MYBL2: variants seen among roughly 807,000 people sequenced by gnomAD.
The protein encoded by MYBL2 is MYB proto-oncogene like 2.
In MYBL2, 28 loss-of-function variants were observed where a neutral mutation model predicts 79.9. The observed-to-expected ratio is 0.35, with a 90% CI of 0.26 to 0.48. MYBL2 has a LOEUF of 0.48. Among genes scored for constraint, MYBL2 ranks in the 20% least tolerant of loss-of-function variants. The pLI, the probability that MYBL2 is intolerant of heterozygous loss-of-function variation, is 0.99. For synonymous variants in MYBL2, 378 were observed against 361.2 expected (o/e 1.05, Z -0.53); for missense variants, 735 against 893.9 (o/e 0.82, Z 2.27).
chr20:43,715,918 A>T, intron 13 of MYBL2, 41 bp from the exon 14 acceptor site: 1 of 1,583,652 alleles, frequency 6.3e-7, no homozygotes, highest in Non-Finnish European at 8.6e-7. Flanking sequence ...TTGGGAACAC[A>T]TAGTCCCTGC....
chr20:43,706,221 G>A (rs541392984), intron 9 of MYBL2, among the ~76,000 whole-genome samples: 2 of 152,286 alleles, frequency 1.3e-5, no homozygotes, highest in South Asian at 2.1e-4. Context: ...GTGCAAATTC[G>A]TTGTGTTTGA....
At chr20:43,688,867 G>T (rs1987340246) in intron 5 of MYBL2, among the ~76,000 whole-genome samples, 1 of 152,134 alleles carries the variant, frequency 6.6e-6, no homozygotes. Context: ...TCGGCTCACT[G>T]CAACCTCTGC....
At chr20:43,686,346 G>C (rs919257283) in intron 4 of MYBL2, among the ~76,000 whole-genome samples, 15 of 152,122 alleles carry the variant, frequency 9.9e-5, no homozygotes, top group African/African-American at 3.6e-4. Flanking sequence ...GGCTAGGTCA[G>C]CCCGCGATGC....
At chr20:43,696,685 G>C (rs1410748564) in intron 6 of MYBL2, among the ~76,000 whole-genome samples, 29 of 152,284 alleles carry the variant, frequency 1.9e-4, no homozygotes, top group Admixed American at 1.7e-3. Context: ...ATGCTATAAT[G>C]ATCATCATTG....
intron 5 of MYBL2, among the ~76,000 whole-genome samples, chr20:43,689,343 C>T (rs370224978): frequency 1.8e-4 from 27 of 152,186 alleles, no homozygotes; most frequent in Admixed American, 2.0e-4. Context: ...TGGGGCTTCC[C>T]CTGACACTTG....
intron 6 of MYBL2, among the ~76,000 whole-genome samples, chr20:43,695,966 C>T (rs758879650): frequency 7.2e-5 from 11 of 152,074 alleles, no homozygotes; most frequent in African/African-American, 2.4e-4. Flanking sequence ...TGCAGTGAGC[C>T]GAGTTCGCAC....
chr20:43,674,039 T>TCATG, intron 2 of MYBL2, 140 bp downstream of exon 2: 1 of 742,154 alleles, frequency 1.3e-6, no homozygotes, highest in Non-Finnish European at 2.3e-6. Flanking sequence ...CTGATTGTCC[T>TCATG]CATGCCTCTT....
intron 2 of MYBL2, among the ~76,000 whole-genome samples, chr20:43,677,701 T>C (rs1263652280): frequency 1.3e-5 from 2 of 148,938 alleles, no homozygotes; most frequent in East Asian, 2.0e-4. Context: ...GCCCCCTGCC[T>C]GGCCAGCCAC....
chr20:43,699,666 T>G (rs1266295604), intron 6 of MYBL2, 91 bp from the exon 7 acceptor site: 3 of 1,380,282 alleles, frequency 2.2e-6, no homozygotes, highest in Non-Finnish European at 3.0e-6. Flanking sequence ...CACAGTTTCC[T>G]TCTTAGATTC....
chr20:43,709,208 G>A (rs575467803), intron 9 of MYBL2, among the ~76,000 whole-genome samples: 50 of 152,222 alleles, frequency 3.3e-4, no homozygotes, highest in African/African-American at 1.2e-3. Flanking sequence ...AGCCATGGTG[G>A]TATCTCCAGG....
At chr20:43,677,641 G>T (rs1028896594) in intron 2 of MYBL2, among the ~76,000 whole-genome samples, 10 of 151,878 alleles carry the variant, frequency 6.6e-5, no homozygotes, top group Non-Finnish European at 1.3e-4. Flanking sequence ...GAAGTGAGGA[G>T]CCCCTCTGCC....
intron 5 of MYBL2, among the ~76,000 whole-genome samples, chr20:43,687,770 C>T (rs11696410): frequency 0.14 from 21,277 of 151,990 alleles, 1,989 homozygotes; most frequent in Non-Finnish European, 0.21. Flanking sequence ...AATCCTAGCA[C>T]GTTGGGTGGC....
chr20:43,713,980 C>G (rs1987970974), intron 12 of MYBL2, among the ~76,000 whole-genome samples: 1 of 152,202 alleles, frequency 6.6e-6, no homozygotes, highest in Non-Finnish European at 1.5e-5. Flanking sequence ...TCCAAGTAGA[C>G]TGCTGCCCTC....
chr20:43,677,681 G>T lies in MYBL2; in HGVS notation c.114+3782G>T, dbSNP rs552641050. 2.1e-4 allele frequency among the ~76,000 whole-genome samples: 31 copies of T among 150,702 alleles called. No homozygotes were observed. In the South Asian group the frequency reaches 3.2e-3, roughly 15 times the overall value. ...CAGCCGCCCCGACTGGGAGGGAGGT[G>T]GGGGGGTCAGCCCCCTGCCTGGCCA... On this transcript the variant is annotated intron_variant, in intron 2 of 13. Coordinates refer to ENST00000217026, the MANE Select transcript of MYBL2 (RefSeq NM_002466.4).
At position 43,690,630 on chromosome 20, in the gene MYBL2, C is replaced by T. The variant is rs529132390; in HGVS notation, c.501-1527C>T. Among the ~76,000 whole-genome samples, 24 of 152,240 alleles carry T rather than the reference C, an allele frequency of 1.6e-4. No homozygotes were observed. The East Asian group carries it at 2.1e-3, about 13-fold the overall frequency. ...CTGAAGGCTTAGAGTGCAAATGATC[C>T]GAGGATATTCTCTTAGACTGGGTGC... On this transcript the variant is annotated intron_variant, in intron 5 of 13. Coordinates refer to ENST00000217026, the MANE Select transcript of MYBL2 (RefSeq NM_002466.4).
chr20:43,682,168 A>G (rs924789543), intron 3 of MYBL2, among the ~76,000 whole-genome samples: 3 of 152,178 alleles, frequency 2.0e-5, no homozygotes, highest in Non-Finnish European at 4.4e-5. Context: ...TCGGTTTCTC[A>G]ACAGTGAGAC....
intron 2 of MYBL2, among the ~76,000 whole-genome samples, chr20:43,678,465 A>G (rs1987068462): frequency 6.6e-6 from 1 of 152,112 alleles, no homozygotes; most frequent in Non-Finnish European, 1.5e-5. Flanking sequence ...GTTTTTTCTA[A>G]CTCTGAACTG....
At chr20:43,681,678 G>C in intron 2 of MYBL2, 106 bp from the exon 3 acceptor site, 2 of 1,164,526 alleles carry the variant, frequency 1.7e-6, no homozygotes, top group Admixed American at 1.7e-5. Context: ...ACTTCATGAC[G>C]GAATGGATGA....
intron 7 of MYBL2, among the ~76,000 whole-genome samples, chr20:43,700,282 G>A (rs1288442337): frequency 6.6e-6 from 1 of 152,290 alleles, no homozygotes; most frequent in East Asian, 1.9e-4. Context: ...TGACCTCTAT[G>A]TATGGCACAG....
Sources: allele counts gnomAD v4.1 joint callset (sites outside exome capture counted in the v4.1 genomes callset), GRCh38; gene constraint gnomAD v4.1.1; transcripts MANE v1.5; gene names NCBI Gene and HGNC (gene_info 2026-07-23, HGNC 2026-07-21).